MCCC1: variants seen among roughly 807,000 people sequenced by gnomAD.
MCCC1 encodes methylcrotonoyl-CoA carboxylase subunit alpha, mitochondrial.
Under a neutral mutation model 83.8 loss-of-function variants are expected in MCCC1, and 64 were observed. The observed-to-expected ratio is 0.76, with a 90% CI of 0.62 to 0.94. MCCC1 has a LOEUF of 0.94. Among genes scored for constraint, MCCC1 ranks in the 40% least tolerant of loss-of-function variants. MCCC1 has a pLI of 0.00. For missense variants in MCCC1, 807 were observed against 904.7 expected (o/e 0.89, Z 1.39); for synonymous variants, 322 against 315.4 (o/e 1.02, Z -0.22).
intron 8 of MCCC1, among the ~76,000 whole-genome samples, chr3:183,056,537 ACT>A (rs1715434823): frequency 6.6e-6 from 1 of 151,862 alleles, no homozygotes; most frequent in Non-Finnish European, 1.5e-5. Context: ...CAAACGAGAG[ACT>A]CTCTCTTCTC....
Position 183,057,055 on chromosome 3 carries a change from G to A in MCCC1, c.873+256C>T, listed in dbSNP as rs181135682. Among the ~76,000 whole-genome samples the A allele has an allele frequency of 7.5e-3, 1,136 of 152,296 alleles. 10 individuals carry two copies. The highest frequency in any genetic ancestry group is 0.011 in the Non-Finnish European group (777 of 68,028). On this transcript the variant is annotated intron_variant, in intron 8 of 18. Transcript: ENST00000265594. Reference sequence around the variant, plus strand: ...CTAGACAGCTTTTCGCTGTAAATCAGATAGGTGAATCAGAGTAGATTTTCC... The same window carrying A: ...CTAGACAGCTTTTCGCTGTAAATCAAATAGGTGAATCAGAGTAGATTTTCC...
Position 183,064,918 on chromosome 3 carries a change from GC to G in MCCC1, c.761+6080del, listed in dbSNP as rs999485951. The stretch of plus-strand genomic sequence containing the variant: ...CTGAGCACCTTGCTTTCCCCATCCT[GC>G]CACAAAGCAATGCTTTTCTCCCTTC... On this transcript the variant is annotated intron_variant, in intron 7 of 18. Coordinates refer to ENST00000265594, the MANE Select transcript of MCCC1 (RefSeq NM_020166.5). This position sits in a 1 kb window ranked among gnomAD's most constrained non-coding sequence, Gnocchi z 4.5. 1.3e-5 allele frequency among the ~76,000 whole-genome samples: 2 copies of G among 151,752 alleles called. No individual in the cohort carries two copies. Among genetic ancestry groups the G allele is most frequent in the Admixed American group, 1.3e-4 (2 of 15,222 alleles).
chr3:183,081,946 C>G (rs1434442109), intron 4 of MCCC1, among the ~76,000 whole-genome samples: 1 of 152,166 alleles, frequency 6.6e-6, no homozygotes, highest in Non-Finnish European at 1.5e-5. Flanking sequence ...CAAGGGAGAG[C>G]CAGCTGTGCA....
chr3:183,113,163 G>T (rs964156042), intron 1 of MCCC1, among the ~76,000 whole-genome samples: 7 of 150,232 alleles, frequency 4.7e-5, no homozygotes, highest in Non-Finnish European at 8.9e-5. Context: ...GGCAGAGATT[G>T]CAGTGAGCCG....
intron 3 of MCCC1, among the ~76,000 whole-genome samples, chr3:183,087,851 C>G (rs1343697815): frequency 1.6e-5 from 2 of 127,538 alleles, no homozygotes; most frequent in Non-Finnish European, 3.1e-5. Context: ...GCCTGGGCAA[C>G]AGGGCGAGAC....
At chr3:183,076,457 T>A (rs1429005002) in intron 4 of MCCC1, among the ~76,000 whole-genome samples, 1 of 152,262 alleles carries the variant, frequency 6.6e-6, no homozygotes, top group African/African-American at 2.4e-5. Flanking sequence ...GTGGTTATTA[T>A]GAATAACGGT....
At chr3:183,105,030 G>A (rs1248296753) in intron 1 of MCCC1, among the ~76,000 whole-genome samples, 4 of 152,218 alleles carry the variant, frequency 2.6e-5, no homozygotes, top group African/African-American at 9.7e-5. Flanking sequence ...ATAGCAAACT[G>A]ATTAAAGAAA....
intron 7 of MCCC1, among the ~76,000 whole-genome samples, chr3:183,058,066 A>G (rs1365017759): frequency 6.6e-6 from 1 of 152,236 alleles, no homozygotes; most frequent in Non-Finnish European, 1.5e-5. Context: ...GGGATACGTA[A>G]CAAAAAGTAC....
chr3:183,027,406 T>C (rs746107618), intron 14 of MCCC1, among the ~76,000 whole-genome samples: 1 of 152,174 alleles, frequency 6.6e-6, no homozygotes, highest in African/African-American at 2.4e-5. Flanking sequence ...TGTCAAAAGC[T>C]GAGATAAGCC....
In MCCC1 at chr3:183,070,602, G is replaced by A. The variant is rs141965914; in HGVS notation, c.761+397C>T. Among the ~76,000 whole-genome samples the A allele has an allele frequency of 1.1e-4, 16 of 152,156 alleles. No individual in the cohort carries two copies. In the East Asian group the frequency reaches 3.1e-3, roughly 29 times the overall value. On this transcript the variant is annotated intron_variant, in intron 7 of 18. Coordinates refer to ENST00000265594, the MANE Select transcript of MCCC1 (RefSeq NM_020166.5). Reference sequence around the variant, plus strand: ...ACAAAAATTAGCCAGGCATGGTGGGGCATACCTGTAATTCCAGCTACTTAG... The same window carrying A: ...ACAAAAATTAGCCAGGCATGGTGGGACATACCTGTAATTCCAGCTACTTAG...
chr3:183,106,004 A>C (rs1382927117), intron 1 of MCCC1, among the ~76,000 whole-genome samples: 2 of 143,360 alleles, frequency 1.4e-5, no homozygotes, highest in African/African-American at 5.0e-5. Context: ...CAGGAGAATC[A>C]CTTGAACCTG....
At chr3:183,037,899 A>G (rs1237244850) in intron 12 of MCCC1, among the ~76,000 whole-genome samples, 1 of 152,256 alleles carries the variant, frequency 6.6e-6, no homozygotes, top group Non-Finnish European at 1.5e-5. Flanking sequence ...GCTTCTTTCC[A>G]ACAATAAAAT....
At position 183,052,211 on chromosome 3, in the gene MCCC1, CT is replaced by C; in HGVS notation, c.902del (p.Lys301SerfsTer13). The C allele has an allele frequency of 6.2e-7, 1 of 1,614,084 alleles. No homozygotes were observed. Among genetic ancestry groups the C allele is most frequent in the Non-Finnish European group, 8.5e-7 (1 of 1,179,994 alleles). ...CAGCTCTGACTGCAGCTTCTCCCAG[CT>C]TTTTTCTTACTTCAGATTTAATACC... ...APGIKSEVRK[K>X]LGEAAVRAAK... On this transcript the variant is annotated frameshift_variant, in exon 9 of 19. Transcript: ENST00000265594. LOFTEE classifies it high-confidence loss of function.
intron 9 of MCCC1, among the ~76,000 whole-genome samples, 156 bp downstream of exon 9, chr3:183,052,003 G>A (rs914999146): frequency 3.9e-5 from 6 of 152,164 alleles, no homozygotes; most frequent in Non-Finnish European, 8.8e-5. Flanking sequence ...ACATTTATGT[G>A]TACATACTAA....
chr3:183,041,468 T>C (rs1714074510), intron 11 of MCCC1, 99 bp downstream of exon 11: 1 of 1,268,082 alleles, frequency 7.9e-7, no homozygotes, highest in South Asian at 1.2e-5. Context: ...TAAAATATGC[T>C]AGACAGTTCT....
chr3:183,083,369 T>C (rs943544908), intron 4 of MCCC1, among the ~76,000 whole-genome samples: 7 of 152,252 alleles, frequency 4.6e-5, no homozygotes, highest in Admixed American at 3.3e-4. Context: ...AGGCTAAATT[T>C]TCTGATTTAA....
At position 183,092,413 on chromosome 3, in the gene MCCC1, T is replaced by C; in HGVS notation, c.269A>G (p.Asp90Gly). The C allele has an allele frequency of 6.2e-7, 1 of 1,614,168 alleles. No individual in the cohort carries two copies. The highest frequency in any genetic ancestry group is 8.5e-7 in the Non-Finnish European group (1 of 1,180,030). Residue 90 changes from aspartate to glycine, a missense_variant, in exon 3 of 19, where the codon GAT becomes GGT. Transcript: ENST00000265594. ...CTTCCAATTTTTAACACATACCATA[T>C]CTACATGCATGGAATTTCTGTCAGC... ...SEADRNSMHV[D>G]MADEAYSIGP...
At chr3:183,111,547 G>T (rs895347011) in intron 1 of MCCC1, among the ~76,000 whole-genome samples, 1 of 152,120 alleles carries the variant, frequency 6.6e-6, no homozygotes, top group African/African-American at 2.4e-5. Flanking sequence ...TGATCTGCCC[G>T]CCTTGGCCTC....
chr3:183,078,562 T>C (rs1340104356), intron 4 of MCCC1, among the ~76,000 whole-genome samples: 1 of 152,230 alleles, frequency 6.6e-6, no homozygotes, highest in Non-Finnish European at 1.5e-5. Flanking sequence ...CTCTCAGCAA[T>C]GTTTTATAGT....
Sources: allele counts gnomAD v4.1 joint callset (sites outside exome capture counted in the v4.1 genomes callset), GRCh38; gene constraint gnomAD v4.1.1; non-coding constraint Gnocchi (gnomAD v3.1); transcripts MANE v1.5; gene names NCBI Gene and HGNC (gene_info 2026-07-23, HGNC 2026-07-21).